ANO3: variants seen among roughly 807,000 people sequenced by gnomAD.
ANO3 encodes anoctamin 3.
A neutral mutation model predicts 144.8 loss-of-function variants in ANO3; 99 were observed. That is an observed-to-expected ratio of 0.68 (90% CI 0.58 to 0.81). ANO3 has a LOEUF of 0.81. Ranked by LOEUF, ANO3 falls within the 30% of genes least tolerant of loss-of-function variation. The probability of loss-of-function intolerance (pLI) is 0.00; values close to 1 mark genes in which losing one functional copy is unlikely to be tolerated. For synonymous variants in ANO3, 414 were observed against 392.6 expected (o/e 1.05, Z -0.64); for missense variants, 905 against 1,202.2 (o/e 0.75, Z 3.66).
chr11:26,417,219 C>T (rs1857615948), intron 1 of ANO3, among the ~76,000 whole-genome samples: 1 of 152,066 alleles, frequency 6.6e-6, no homozygotes, highest in African/African-American at 2.4e-5. Context: ...GGTACTACAT[C>T]TATAACCTCT....
chr11:26,623,899 G>A (rs1393144524), intron 17 of ANO3, among the ~76,000 whole-genome samples: 1 of 152,034 alleles, frequency 6.6e-6, no homozygotes, highest in Non-Finnish European at 1.5e-5. Flanking sequence ...TCATTCTCCT[G>A]CCTCAGCCTC....
At chr11:26,260,729 C>T (rs1420827275) in intron 1 of ANO3, among the ~76,000 whole-genome samples, 1 of 152,138 alleles carries the variant, frequency 6.6e-6, no homozygotes, top group East Asian at 1.9e-4. Context: ...GATTAGGCAC[C>T]ATGCAAAACT....
chr11:26,303,345 C>G (rs1264843862), intron 1 of ANO3, among the ~76,000 whole-genome samples: 4 of 152,110 alleles, frequency 2.6e-5, no homozygotes, highest in Non-Finnish European at 5.9e-5. Context: ...TATATATACA[C>G]CATACAATAC....
At chr11:26,236,256 C>T (rs1852519488) in intron 1 of ANO3, among the ~76,000 whole-genome samples, 1 of 151,948 alleles carries the variant, frequency 6.6e-6, no homozygotes, top group South Asian at 2.1e-4. Context: ...GAGATAAATT[C>T]CTAGAACTGA....
intron 17 of ANO3, among the ~76,000 whole-genome samples, chr11:26,619,344 A>G (rs1297789201): frequency 6.6e-6 from 1 of 152,208 alleles, no homozygotes; most frequent in Admixed American, 6.5e-5. Flanking sequence ...ATGGGCTAAT[A>G]CAATCAAAAT....
At chr11:26,612,137 A>G (rs763364768) in intron 17 of ANO3, among the ~76,000 whole-genome samples, 29 of 152,042 alleles carry the variant, frequency 1.9e-4, no homozygotes, top group Non-Finnish European at 3.2e-4. Flanking sequence ...CTTACTCCTG[A>G]CATTTAGTTA....
intron 1 of ANO3, among the ~76,000 whole-genome samples, chr11:26,216,552 G>T (rs2133788199): frequency 6.6e-6 from 1 of 151,824 alleles, no homozygotes; most frequent in African/African-American, 2.4e-5. Flanking sequence ...TTCCTGTTTG[G>T]GACAATTATA....
At chr11:26,477,869 TTAA>T (rs1860043306) in intron 4 of ANO3, among the ~76,000 whole-genome samples, 1 of 152,164 alleles carries the variant, frequency 6.6e-6, no homozygotes, top group Admixed American at 6.5e-5. Flanking sequence ...AGGATTTGTG[TTAA>T]TAAAACAATT....
intron 7 of ANO3, among the ~76,000 whole-genome samples, chr11:26,528,083 C>T (rs796602260): frequency 2.9e-4 from 44 of 152,156 alleles, no homozygotes; most frequent in African/African-American, 9.6e-4. Flanking sequence ...ATTTGCAAGA[C>T]GTCCAACACA....
intron 4 of ANO3, among the ~76,000 whole-genome samples, chr11:26,498,395 A>G (rs1405316690): frequency 6.6e-6 from 1 of 151,578 alleles, no homozygotes; most frequent in Non-Finnish European, 1.5e-5. Context: ...AGGTGAGAAA[A>G]CAGACTTGTT....
intron 1 of ANO3, among the ~76,000 whole-genome samples, chr11:26,275,550 C>T (rs1161476461): frequency 6.6e-6 from 1 of 152,094 alleles, no homozygotes; most frequent in Non-Finnish European, 1.5e-5. Context: ...ATATTTCCCC[C>T]AAATGGAAAA....
chr11:26,348,942 T>C (rs1564976768), intron 1 of ANO3, among the ~76,000 whole-genome samples: 1 of 152,174 alleles, frequency 6.6e-6, no homozygotes, highest in East Asian at 1.9e-4. Context: ...TGGGAAAAGG[T>C]TGTGGTTGAT....
intron 1 of ANO3, among the ~76,000 whole-genome samples, chr11:26,239,572 A>G (rs2133809719): frequency 1.3e-5 from 2 of 152,246 alleles, no homozygotes; most frequent in Middle Eastern, 6.8e-3. Context: ...CTTTCTTGCT[A>G]CTATAGTAGC....
At chr11:26,332,443 T>A in intron 1 of ANO3, 122 bp downstream of exon 1, 1 of 709,522 alleles carries the variant, frequency 1.4e-6, no homozygotes, top group Non-Finnish European at 2.1e-6. Context: ...CTCTGTGAAG[T>A]TAAAAAAAAA....
At chr11:26,395,990 A>G (rs537994713) in intron 1 of ANO3, among the ~76,000 whole-genome samples, 1 of 152,336 alleles carries the variant, frequency 6.6e-6, no homozygotes, top group South Asian at 2.1e-4. Flanking sequence ...AGAAGCTATC[A>G]TCAGAATGAA....
intron 1 of ANO3, among the ~76,000 whole-genome samples, chr11:26,341,884 C>G (rs956967561): frequency 1.3e-5 from 2 of 152,148 alleles, no homozygotes; most frequent in Admixed American, 6.5e-5. Flanking sequence ...AAAGATGAGG[C>G]TGGATGCTCT....
intron 1 of ANO3, among the ~76,000 whole-genome samples, chr11:26,434,369 C>G (rs928775815): frequency 6.6e-6 from 1 of 151,824 alleles, no homozygotes; most frequent in African/African-American, 2.4e-5. Flanking sequence ...TTAATTTTTT[C>G]AAAAAACAAA....
chr11:26,450,702 T>C (rs992168980), intron 3 of ANO3, among the ~76,000 whole-genome samples: 6 of 152,200 alleles, frequency 3.9e-5, no homozygotes, highest in African/African-American at 1.4e-4. Context: ...TAAACAGAGA[T>C]TGAGCAGAAT....
At chr11:26,217,293 T>C (rs540170874) in intron 1 of ANO3, among the ~76,000 whole-genome samples, 3 of 152,166 alleles carry the variant, frequency 2.0e-5, no homozygotes, top group African/African-American at 4.8e-5. Context: ...CCAGCAGGGA[T>C]TGGATGCAAG....
Sources: allele counts gnomAD v4.1 joint callset (sites outside exome capture counted in the v4.1 genomes callset), GRCh38; gene constraint gnomAD v4.1.1; transcripts MANE v1.5; gene names NCBI Gene and HGNC (gene_info 2026-07-23, HGNC 2026-07-21).